Variants in PDCD10 observed in about 807,000 individuals in gnomAD.
PDCD10 encodes the protein programmed cell death 10, also known as programmed cell death protein 10.
A neutral mutation model predicts 29.2 loss-of-function variants in PDCD10; 4 were observed. That is an observed-to-expected ratio of 0.14 (90% confidence interval 0.07 to 0.31). PDCD10 has a LOEUF of 0.31. Among genes scored for constraint, PDCD10 ranks in the 10% least tolerant of loss-of-function variants. The probability of loss-of-function intolerance (pLI) is 1.00; values close to 1 mark genes in which losing one functional copy is unlikely to be tolerated. For missense variants in PDCD10, 183 were observed against 257.9 expected (o/e 0.71, Z 1.99); for synonymous variants, 70 against 82.2 (o/e 0.85, Z 0.80).
intron 4 of PDCD10, among the ~76,000 whole-genome samples, chr3:167,703,202 G>A (rs906941373): frequency 2.3e-4 from 35 of 151,908 alleles, no homozygotes; most frequent in African/African-American, 8.5e-4. Context: ...AGATGCTTAA[G>A]ATAGCATCAT....
intron 3 of PDCD10, among the ~76,000 whole-genome samples, chr3:167,717,916 C>G (rs1723178703): frequency 6.6e-6 from 1 of 152,090 alleles, no homozygotes; most frequent in South Asian, 2.1e-4. Context: ...TTTCTAATTT[C>G]TCTTCATTCA....
intron 2 of PDCD10, among the ~76,000 whole-genome samples, chr3:167,726,253 C>A (rs1724166833): frequency 6.6e-6 from 1 of 151,552 alleles, no homozygotes; most frequent in Non-Finnish European, 1.5e-5. Flanking sequence ...GCACCTGCCA[C>A]CACGCCTGGC....
At chr3:167,694,036 CACCCATCT>C (rs1405288274) in intron 6 of PDCD10, among the ~76,000 whole-genome samples, 1 of 152,064 alleles carries the variant, frequency 6.6e-6, no homozygotes, top group African/African-American at 2.4e-5. Flanking sequence ...AAAAACTAAC[CACCCATCT>C]ATGGAATGTT....
chr3:167,701,774 A>G (rs1721464423), intron 4 of PDCD10, among the ~76,000 whole-genome samples: 1 of 152,234 alleles, frequency 6.6e-6, no homozygotes, highest in South Asian at 2.1e-4. Flanking sequence ...CTGTTGTTAT[A>G]GAAAAACCCA....
At chr3:167,701,169 T>C (rs1466174821) in intron 4 of PDCD10, among the ~76,000 whole-genome samples, 2 of 152,156 alleles carry the variant, frequency 1.3e-5, no homozygotes, top group African/African-American at 2.4e-5. Flanking sequence ...CATCAATGCG[T>C]TGTTTCTGCG....
intron 6 of PDCD10, among the ~76,000 whole-genome samples, 156 bp from the exon 7 acceptor site, chr3:167,687,849 C>A (rs1719783428): frequency 6.6e-6 from 1 of 152,186 alleles, no homozygotes; most frequent in South Asian, 2.1e-4. Flanking sequence ...GAACAGCCAG[C>A]CTTTTCGGCT....
At chr3:167,700,064 T>A (rs949077950) in intron 4 of PDCD10, among the ~76,000 whole-genome samples, 1 of 152,196 alleles carries the variant, frequency 6.6e-6, no homozygotes, top group Non-Finnish European at 1.5e-5. Context: ...ATGGTGTTAT[T>A]TGCAGTTAAA....
At chr3:167,723,262 T>A (rs1047164038) in intron 2 of PDCD10, among the ~76,000 whole-genome samples, 29 of 152,208 alleles carry the variant, frequency 1.9e-4, no homozygotes, top group African/African-American at 6.3e-4. Flanking sequence ...AACCTGCAAT[T>A]ACCCCATGCA....
intron 5 of PDCD10, 86 bp from the exon 6 acceptor site, chr3:167,695,808 G>A: frequency 1.5e-6 from 2 of 1,366,028 alleles, no homozygotes; most frequent in Non-Finnish European, 2.1e-6. Context: ...TTGGTCAAAG[G>A]CAGGTGAGGG....
At chr3:167,693,811 C>T (rs1720509587) in intron 6 of PDCD10, among the ~76,000 whole-genome samples, 1 of 151,600 alleles carries the variant, frequency 6.6e-6, no homozygotes, top group Non-Finnish European at 1.5e-5. Context: ...AAGAAATTAG[C>T]TTGGTGTGGT....
At chr3:167,727,904 A>C (rs1360554264) in intron 2 of PDCD10, among the ~76,000 whole-genome samples, 1 of 152,242 alleles carries the variant, frequency 6.6e-6, no homozygotes, top group Non-Finnish European at 1.5e-5. Flanking sequence ...TTAGCCCCAG[A>C]CAATAAATAG....
chr3:167,720,821 T>C (rs1393901926), intron 2 of PDCD10, among the ~76,000 whole-genome samples: 1 of 152,020 alleles, frequency 6.6e-6, no homozygotes, highest in Non-Finnish European at 1.5e-5. Context: ...ATGTCAAACA[T>C]AAAATTGAAA....
Position 167,704,655 on chromosome 3 carries a change from T to C in PDCD10, c.150+187A>G, listed in dbSNP as rs1405823433. 6.8e-5 allele frequency: 36 copies of C among 525,636 alleles called. No homozygotes were observed. The East Asian group carries it at 1.1e-3, about 16-fold the overall frequency. 32.6% of individuals were successfully genotyped at this position (525,636 alleles called of 1,614,324 possible). On this transcript the variant is annotated intron_variant, in intron 4 of 8. Transcript: ENST00000392750. ...CACAAAGTGATGAAAAGATGAATGC[T>C]AACGAAATAACATTTGTTCTAGTTT...
At chr3:167,691,736 C>G (rs1720263300) in intron 6 of PDCD10, among the ~76,000 whole-genome samples, 2 of 152,156 alleles carry the variant, frequency 1.3e-5, no homozygotes, top group African/African-American at 2.4e-5. Flanking sequence ...ATGGCAGAAA[C>G]TCTATTTTTC....
At chr3:167,705,299 G>GA (rs1373657211) in intron 3 of PDCD10, among the ~76,000 whole-genome samples, 6 of 151,904 alleles carry the variant, frequency 3.9e-5, no homozygotes, top group African/African-American at 1.5e-4. Flanking sequence ...GTTAAATTCT[G>GA]ATTTTTTCAG....
chr3:167,686,949 GTAC>G (rs1379179369), intron 8 of PDCD10, among the ~76,000 whole-genome samples: 4 of 152,154 alleles, frequency 2.6e-5, no homozygotes, highest in Admixed American at 1.3e-4. Flanking sequence ...GCTTGTTTCT[GTAC>G]TACAACAGCA....
intron 3 of PDCD10, among the ~76,000 whole-genome samples, chr3:167,714,450 T>A (rs952843263): frequency 9.2e-5 from 14 of 151,890 alleles, no homozygotes; most frequent in African/African-American, 3.1e-4. Context: ...TAGAGCAAAC[T>A]ATACAAGAGA....
intron 2 of PDCD10, among the ~76,000 whole-genome samples, chr3:167,725,147 C>T (rs1025117316): frequency 2.0e-5 from 3 of 151,836 alleles, no homozygotes; most frequent in African/African-American, 7.3e-5. Flanking sequence ...GTCCCAGCTA[C>T]TCAGGAGGCT....
At chr3:167,718,993 T>C (rs1210764522) in intron 3 of PDCD10, among the ~76,000 whole-genome samples, 1 of 152,108 alleles carries the variant, frequency 6.6e-6, no homozygotes, top group Non-Finnish European at 1.5e-5. Flanking sequence ...AAATGTTGAC[T>C]GCATTGGCAA....
Sources: allele counts gnomAD v4.1 joint callset (sites outside exome capture counted in the v4.1 genomes callset), GRCh38; gene constraint gnomAD v4.1.1; transcripts MANE v1.5; gene names NCBI Gene and HGNC (gene_info 2026-07-23, HGNC 2026-07-21).